The following SKAP2 variants were observed in gnomAD, a reference collection of about 807,000 sequenced individuals.
SKAP2 encodes src kinase associated phosphoprotein 2, also known as src kinase-associated phosphoprotein 2.
Under a neutral mutation model 54.9 loss-of-function variants are expected in SKAP2, and 28 were observed. That is an observed-to-expected ratio of 0.51 (90% confidence interval 0.38 to 0.70). The LOEUF is 0.70. SKAP2 is among the 30% of genes least tolerant of loss of function. The pLI is 0.00. For missense variants in SKAP2, 356 were observed against 424.1 expected, an observed-to-expected ratio of 0.84 and a Z score of 1.41; for synonymous variants, 137 against 134.3, an observed-to-expected ratio of 1.02 and a Z score of -0.14.
At chr7:26,683,511 T>C (rs1021509834) in intron 11 of SKAP2, among the ~76,000 whole-genome samples, 3 of 148,790 alleles carry the variant, frequency 2.0e-5, no homozygotes, top group Non-Finnish European at 4.4e-5. Context: ...CCTGGCACAC[T>C]GCAGGTGCTT....
chr7:26,826,124 C>CACACAT (rs1784489152), intron 4 of SKAP2, among the ~76,000 whole-genome samples: 1 of 151,674 alleles, frequency 6.6e-6, no homozygotes, highest in African/African-American at 2.4e-5. Flanking sequence ...GCAATACACA[C>CACACAT]ACACACACAC....
chr7:26,708,515 T>C (rs1241305807), intron 9 of SKAP2, among the ~76,000 whole-genome samples: 1 of 152,236 alleles, frequency 6.6e-6, no homozygotes, highest in Non-Finnish European at 1.5e-5. Context: ...GTCTCTTCCG[T>C]ATATACCAAT....
In SKAP2 at chr7:26,816,193, C is replaced by G. The variant is rs142215868; in HGVS notation, c.307+27837G>C. Among the ~76,000 whole-genome samples the G allele has an allele frequency of 4.4e-3, 673 of 152,130 alleles. 6 individuals are homozygous for G. The highest frequency in any genetic ancestry group is 0.015 in the African/African-American group (632 of 41,518). ...AAGAATGCTAAAGAAGTAGCAACAT[C>G]GCAAGACACGTTCAAAATCCAACCA... is the stretch of plus-strand genomic sequence containing the variant. On this transcript the variant is annotated intron_variant, in intron 4 of 12. Coordinates refer to ENST00000345317, the MANE Select transcript of SKAP2 (RefSeq NM_003930.5).
intron 4 of SKAP2, among the ~76,000 whole-genome samples, chr7:26,754,698 C>T (rs1429388106): frequency 6.6e-6 from 1 of 152,166 alleles, no homozygotes; most frequent in Non-Finnish European, 1.5e-5. Context: ...TAACAACACA[C>T]AACAACTGAT....
chr7:26,690,652 C>A (rs568505695), intron 9 of SKAP2, among the ~76,000 whole-genome samples: 98 of 152,206 alleles, frequency 6.4e-4, no homozygotes, highest in South Asian at 2.7e-3. Flanking sequence ...ACTGGCTTGG[C>A]AAAATTTAAG....
Position 26,830,391 on chromosome 7 carries a change from G to A in SKAP2, c.307+13639C>T, listed in dbSNP as rs200063150. On this transcript the variant is annotated intron_variant, in intron 4 of 12. Transcript: ENST00000345317. ...CACCTGAATTGTATACTTTAAATTA[G>A]TATATTCTATGGTTAAATATATCTC... 1.1e-4 allele frequency among the ~76,000 whole-genome samples: 16 copies of A among 152,036 alleles called. No homozygotes were observed. In the East Asian group the frequency reaches 3.1e-3, roughly 29 times the overall value.
At chr7:26,726,074 G>A (rs1479760853) in intron 7 of SKAP2, 88 bp from the exon 8 acceptor site, 1 of 831,264 alleles carries the variant, frequency 1.2e-6, no homozygotes, top group Non-Finnish European at 1.9e-6. Context: ...AAGACTATTA[G>A]TAATTCTTTT....
chr7:26,721,590 TTGTCTTCC>T (rs1787579381), intron 9 of SKAP2, among the ~76,000 whole-genome samples: 1 of 152,116 alleles, frequency 6.6e-6, no homozygotes, highest in African/African-American at 2.4e-5. Flanking sequence ...GAATAGAAAT[TTGTCTTCC>T]TGTTTTATGT....
At chr7:26,809,751 T>C (rs1045419535) in intron 4 of SKAP2, among the ~76,000 whole-genome samples, 1 of 152,188 alleles carries the variant, frequency 6.6e-6, no homozygotes, top group Admixed American at 6.5e-5. Context: ...ATCCCACTTC[T>C]GGGAATATAT....
intron 4 of SKAP2, among the ~76,000 whole-genome samples, chr7:26,783,048 C>T (rs1783461599): frequency 6.6e-6 from 1 of 152,210 alleles, no homozygotes; most frequent in Non-Finnish European, 1.5e-5. Flanking sequence ...TCAGATCACT[C>T]TCCTGAGCTC....
At chr7:26,787,168 T>G (rs1004946087) in intron 4 of SKAP2, among the ~76,000 whole-genome samples, 2 of 152,206 alleles carry the variant, frequency 1.3e-5, no homozygotes, top group Non-Finnish European at 2.9e-5. Flanking sequence ...CAAATGACTT[T>G]TAACCACCAG....
intron 2 of SKAP2, among the ~76,000 whole-genome samples, 174 bp downstream of exon 2, chr7:26,854,609 ATC>A (rs1410210656): frequency 6.6e-6 from 1 of 152,040 alleles, no homozygotes; most frequent in Non-Finnish European, 1.5e-5. Context: ...TGATAAGCAT[ATC>A]TGTGTTTAAA....
intron 9 of SKAP2, among the ~76,000 whole-genome samples, chr7:26,720,059 C>CACAG (rs1214317954): frequency 6.2e-4 from 77 of 123,972 alleles, no homozygotes; most frequent in Middle Eastern, 4.7e-3. Context: ...GTAACACACA[C>CACAG]ACACACACAC....
intron 4 of SKAP2, among the ~76,000 whole-genome samples, chr7:26,792,048 T>C (rs906495897): frequency 4.6e-5 from 7 of 152,162 alleles, no homozygotes; most frequent in African/African-American, 1.4e-4. Flanking sequence ...ACAACATGGA[T>C]GAATTGTAAA....
rs1218598646 is a variant in SKAP2 at position 26,844,119 on chromosome 7, T to C, written c.218A>G (p.Glu73Gly). ...FQDKGDAEDGEEYDDPFAGPP... is the reference protein window; with the variant it reads ...FQDKGDAEDGGEYDDPFAGPP... Reference sequence around the variant, plus strand: ...CCCAGCAAAAGGGTCATCATATTCTTCCCCATCTTCTGCATCACCTGTTAA... The same window carrying C: ...CCCAGCAAAAGGGTCATCATATTCTCCCCCATCTTCTGCATCACCTGTTAA... Residue 73 changes from glutamate to glycine, a missense_variant, in exon 4 of 13, where the codon GAA (glutamate) becomes GGA (glycine). By Grantham distance (98) the Glu-to-Gly change is moderately conservative (BLOSUM62 -2). Transcript: ENST00000345317. 5.0e-6 allele frequency: 8 copies of C among 1,605,436 alleles called. No homozygotes were observed. The highest frequency in any genetic ancestry group is 6.8e-6 in the Non-Finnish European group (8 of 1,173,794).
chr7:26,794,301 A>G (rs1783725226), intron 4 of SKAP2, among the ~76,000 whole-genome samples: 2 of 152,240 alleles, frequency 1.3e-5, no homozygotes, highest in South Asian at 4.1e-4. Flanking sequence ...ACACCCTGAT[A>G]GCAATAACTT....
chr7:26,793,890 T>C (rs1488438588), intron 4 of SKAP2, among the ~76,000 whole-genome samples: 2 of 152,218 alleles, frequency 1.3e-5, no homozygotes, highest in African/African-American at 2.4e-5. Flanking sequence ...AGGCTTAAAA[T>C]ACAATTAATT....
At chr7:26,844,669 G>A (rs148765477) in intron 3 of SKAP2, among the ~76,000 whole-genome samples, 1 of 151,982 alleles carries the variant, frequency 6.6e-6, no homozygotes, top group Non-Finnish European at 1.5e-5. Context: ...TTTTTAGAGA[G>A]GATTAAAAAT....
intron 4 of SKAP2, among the ~76,000 whole-genome samples, chr7:26,785,599 A>G (rs1017987263): frequency 1.1e-4 from 17 of 152,350 alleles, no homozygotes; most frequent in South Asian, 1.0e-3. Flanking sequence ...AAGAAGTTTT[A>G]TATCAAGCTA....
Sources: allele counts gnomAD v4.1 joint callset (sites outside exome capture counted in the v4.1 genomes callset), GRCh38; gene constraint gnomAD v4.1.1; transcripts MANE v1.5; gene names NCBI Gene and HGNC (gene_info 2026-07-23, HGNC 2026-07-21).